CDYL2: variants seen among roughly 807,000 people sequenced by gnomAD.
The protein encoded by CDYL2 is chromodomain Y-like protein 2.
CDYL2 carries 23 observed loss-of-function variants against 49.4 expected under a neutral mutation model. That is an observed-to-expected ratio of 0.47 (90% confidence interval 0.34 to 0.66). The LOEUF is 0.66. Ranked by LOEUF, CDYL2 falls within the 30% of genes least tolerant of loss-of-function variation. The pLI is 0.01. For missense variants in CDYL2, 678 were observed against 656.4 expected, an observed-to-expected ratio of 1.03 and a Z score of -0.36; for synonymous variants, 360 against 268.8, an observed-to-expected ratio of 1.34 and a Z score of -3.32.
chr16:80,747,089 C>G (rs544250946), intron 1 of CDYL2, among the ~76,000 whole-genome samples: 15 of 152,264 alleles, frequency 9.9e-5, no homozygotes, highest in African/African-American at 3.6e-4. Context: ...TGTCAGTTTT[C>G]TTACGGCATA....
At chr16:80,661,171 G>A (rs1295401098) in intron 2 of CDYL2, among the ~76,000 whole-genome samples, 1 of 152,040 alleles carries the variant, frequency 6.6e-6, no homozygotes, top group African/African-American at 2.4e-5. Flanking sequence ...TTCCCTTCAG[G>A]CCTGGAGGAA....
chr16:80,669,862 G>A (rs1005795882), intron 2 of CDYL2, among the ~76,000 whole-genome samples: 5 of 152,220 alleles, frequency 3.3e-5, no homozygotes, highest in Non-Finnish European at 7.3e-5. Flanking sequence ...AGGAGAGTGA[G>A]TGCACACCAT....
chr16:80,622,540 C>G (rs1028863988), intron 3 of CDYL2, among the ~76,000 whole-genome samples: 2 of 152,152 alleles, frequency 1.3e-5, no homozygotes, highest in African/African-American at 2.4e-5. Flanking sequence ...TTAATAAAGA[C>G]AGGAATTGCA....
chr16:80,767,278 T>G (rs1005034881), intron 1 of CDYL2, among the ~76,000 whole-genome samples: 2 of 152,126 alleles, frequency 1.3e-5, no homozygotes, highest in Non-Finnish European at 2.9e-5. Context: ...TGCACAGAAT[T>G]TTTCAAAGAA....
At chr16:80,734,788 T>A (rs1419834178) in intron 1 of CDYL2, among the ~76,000 whole-genome samples, 2 of 152,146 alleles carry the variant, frequency 1.3e-5, no homozygotes, top group African/African-American at 4.8e-5. Context: ...ACACATTCCC[T>A]CTAGAACTGG....
intron 3 of CDYL2, among the ~76,000 whole-genome samples, chr16:80,630,974 C>T (rs1257149687): frequency 6.6e-6 from 1 of 152,114 alleles, no homozygotes. Flanking sequence ...AAAACATACC[C>T]TTCTCATTAA....
rs543360519 is a variant in CDYL2 at position 80,648,805 on chromosome 16, G to A, written c.617-15569C>T. Among the ~76,000 whole-genome samples, 6 of 152,078 alleles carry A rather than the reference G, an allele frequency of 3.9e-5. 1 individual carries two copies. Among genetic ancestry groups the A allele is most frequent in the South Asian group, 2.1e-4 (1 of 4,820 alleles). ...AATATGTCAAAAAAATCATGACCAA[G>A]TGGGATTTATCCCTGGGATACAAGC... On this transcript the variant is annotated intron_variant, in intron 2 of 6. Coordinates refer to ENST00000570137, the MANE Select transcript of CDYL2 (RefSeq NM_152342.4).
intron 2 of CDYL2, among the ~76,000 whole-genome samples, chr16:80,652,570 G>A (rs996565431): frequency 1.3e-4 from 20 of 152,264 alleles, no homozygotes; most frequent in African/African-American, 4.1e-4. Context: ...TGAGCACCAC[G>A]CACAGTGACT....
chr16:80,733,827 C>A (rs1405424438), intron 1 of CDYL2, among the ~76,000 whole-genome samples: 1 of 152,162 alleles, frequency 6.6e-6, no homozygotes, highest in Non-Finnish European at 1.5e-5. Context: ...TGCCTTCAAT[C>A]TCCTTCCTCC....
In CDYL2 at chr16:80,719,773, A is replaced by G. The variant is rs149119321; in HGVS notation, c.25-34644T>C. On this transcript the variant is annotated intron_variant, in intron 1 of 6. Transcript: ENST00000570137. Reference sequence around the variant, plus strand: ...CCAAGCTTCACACTATGTAGTCATGAAGACAGGAAGTGCCTTGTTCACAGC... The same window carrying G: ...CCAAGCTTCACACTATGTAGTCATGGAGACAGGAAGTGCCTTGTTCACAGC... 8.3e-3 allele frequency among the ~76,000 whole-genome samples: 1,257 copies of G among 152,314 alleles called. 15 individuals are homozygous for G. Among genetic ancestry groups the G allele is most frequent in the African/African-American group, 0.028 (1,173 of 41,566 alleles).
intron 1 of CDYL2, among the ~76,000 whole-genome samples, chr16:80,763,208 G>A (rs1187898995): frequency 3.6e-4 from 2 of 5,584 alleles, no homozygotes; most frequent in Non-Finnish European, 7.0e-4. Flanking sequence ...CGGTGTTCGA[G>A]GGCAACTTTA....
intron 2 of CDYL2, among the ~76,000 whole-genome samples, chr16:80,649,292 A>C (rs1159409121): frequency 6.6e-6 from 1 of 152,188 alleles, no homozygotes; most frequent in Non-Finnish European, 1.5e-5. Flanking sequence ...GTAAAGTTGC[A>C]AGATACAAGA....
chr16:80,771,504 G>C (rs566752532), intron 1 of CDYL2, among the ~76,000 whole-genome samples: 1 of 152,334 alleles, frequency 6.6e-6, no homozygotes, highest in Admixed American at 6.5e-5. Context: ...TGGAGTTTGA[G>C]ACCAGCCTGG....
intron 1 of CDYL2, among the ~76,000 whole-genome samples, chr16:80,765,664 A>G (rs973191284): frequency 1.3e-5 from 2 of 150,226 alleles, no homozygotes; most frequent in African/African-American, 4.9e-5. Flanking sequence ...AACAATCCAA[A>G]TGTCCATCAA....
chr16:80,710,328 C>A lies in CDYL2; in HGVS notation c.25-25199G>T, dbSNP rs114939207. ...TAATTTTTAGAGGAAGTACACAGTA[C>A]TACAAATTGGTACAACCCTTCCAGC... On this transcript the variant is annotated intron_variant, in intron 1 of 6. Coordinates refer to ENST00000570137, the MANE Select transcript of CDYL2 (RefSeq NM_152342.4). Among the ~76,000 whole-genome samples the A allele has an allele frequency of 4.5e-3, 678 of 152,286 alleles. 8 individuals are homozygous for A. Among genetic ancestry groups the A allele is most frequent in the African/African-American group, 0.015 (639 of 41,546 alleles).
At chr16:80,726,361 TA>T (rs1367209175) in intron 1 of CDYL2, among the ~76,000 whole-genome samples, 4 of 152,192 alleles carry the variant, frequency 2.6e-5, no homozygotes, top group Admixed American at 2.6e-4. Context: ...CAACAAACAA[TA>T]ACTGTATAAA....
chr16:80,606,671 T>C (rs1165004196), intron 6 of CDYL2, among the ~76,000 whole-genome samples: 1 of 152,178 alleles, frequency 6.6e-6, no homozygotes, highest in African/African-American at 2.4e-5. Flanking sequence ...TTTGCCTGTG[T>C]CCCAACCCAA....
At chr16:80,642,167 G>A (rs1908124150) in intron 2 of CDYL2, among the ~76,000 whole-genome samples, 1 of 152,212 alleles carries the variant, frequency 6.6e-6, no homozygotes, top group African/African-American at 2.4e-5. Context: ...TAGTCGCCGG[G>A]TGTGGTGGCT....
At chr16:80,652,921 G>A (rs765644824) in intron 2 of CDYL2, among the ~76,000 whole-genome samples, 4 of 152,208 alleles carry the variant, frequency 2.6e-5, no homozygotes, top group Non-Finnish European at 5.9e-5. Flanking sequence ...GCCCAGAGGG[G>A]CTAAGGAGGC....
Sources: allele counts gnomAD v4.1 joint callset (sites outside exome capture counted in the v4.1 genomes callset), GRCh38; gene constraint gnomAD v4.1.1; transcripts MANE v1.5; gene names NCBI Gene and HGNC (gene_info 2026-07-23, HGNC 2026-07-21).